Variants in POLN observed in about 807,000 individuals in gnomAD.
POLN encodes DNA polymerase nu.
POLN carries 108 observed loss-of-function variants against 113.5 expected under a neutral mutation model. That is an observed-to-expected ratio of 0.95 (90% CI 0.81 to 1.12). The LOEUF (loss-of-function observed/expected upper bound fraction) is 1.12, where lower values mean the gene tolerates loss of function less well. POLN is among the 50% of genes most tolerant of loss of function. The probability of loss-of-function intolerance (pLI) is 0.00; values close to 1 mark genes in which losing one functional copy is unlikely to be tolerated. For missense variants in POLN, 1,097 were observed against 1,077.1 expected (o/e 1.02, Z -0.26); for synonymous variants, 386 against 391.5 (o/e 0.99, Z 0.17).
At chr4:2,155,819 C>T (rs1189798562) in intron 16 of POLN, among the ~76,000 whole-genome samples, 2 of 151,682 alleles carry the variant, frequency 1.3e-5, no homozygotes, top group Non-Finnish European at 2.9e-5. Flanking sequence ...AATAGCATGG[C>T]TTTATTTTTG....
At chr4:2,191,277 G>A (rs1027827541) in intron 7 of POLN, among the ~76,000 whole-genome samples, 2 of 152,174 alleles carry the variant, frequency 1.3e-5, no homozygotes, top group East Asian at 1.9e-4. Context: ...TGTAGGAGCT[G>A]AGAAAGCAGA....
chr4:2,091,290 A>G (rs944634788), intron 20 of POLN, among the ~76,000 whole-genome samples: 1 of 152,070 alleles, frequency 6.6e-6, no homozygotes, highest in Non-Finnish European at 1.5e-5. Context: ...CCTTTCTTCT[A>G]TGGAGCTGTC....
At chr4:2,089,309 T>C (rs1025522647) in intron 20 of POLN, 26 of 1,389,174 alleles carry the variant, frequency 1.9e-5, no homozygotes, top group African/African-American at 1.7e-4. Flanking sequence ...AATGACAACA[T>C]AGATCCTGTT....
At chr4:2,215,955 C>G (rs552205762) in intron 3 of POLN, among the ~76,000 whole-genome samples, 11 of 152,320 alleles carry the variant, frequency 7.2e-5, no homozygotes, top group African/African-American at 2.6e-4. Context: ...TAACCCAAAC[C>G]CTCATCCCTG....
intron 13 of POLN, among the ~76,000 whole-genome samples, chr4:2,166,849 T>C (rs1462945781): frequency 6.6e-6 from 1 of 152,142 alleles, no homozygotes; most frequent in African/African-American, 2.4e-5. Flanking sequence ...TCCCTGGGTC[T>C]CCAGCTTGAA....
chr4:2,088,831 A>G, intron 20 of POLN: 1 of 1,463,458 alleles, frequency 6.8e-7, no homozygotes, highest in South Asian at 1.3e-5. Context: ...TTACATCTTG[A>G]ACTTGTCTAC....
At chr4:2,140,142 A>C (rs1019759426) in intron 16 of POLN, 4 of 152,174 alleles carry the variant, frequency 2.6e-5, no homozygotes, top group African/African-American at 7.2e-5. Context: ...GCAGTGGCAC[A>C]ATCTTGGCTC....
At chr4:2,173,547 T>C in intron 11 of POLN, among the ~76,000 whole-genome samples, 1 of 152,140 alleles carries the variant, frequency 6.6e-6, no homozygotes, top group East Asian at 1.9e-4. Flanking sequence ...TCTCTGTGTC[T>C]ATTTTCCCAC....
chr4:2,185,136 C>T (rs1259965821), intron 7 of POLN, among the ~76,000 whole-genome samples: 2 of 152,092 alleles, frequency 1.3e-5, no homozygotes, highest in Non-Finnish European at 2.9e-5. Flanking sequence ...CAATGACAAG[C>T]AGTAGCTTCT....
chr4:2,140,616 T>A (rs1731975634), intron 16 of POLN, among the ~76,000 whole-genome samples: 1 of 151,978 alleles, frequency 6.6e-6, no homozygotes, highest in African/African-American at 2.4e-5. Context: ...GTATGGTGGT[T>A]GTACATCTGT....
chr4:2,230,402 CAT>C (rs1734538423), intron 2 of POLN: 1 of 152,040 alleles, frequency 6.6e-6, no homozygotes, highest in African/African-American at 2.4e-5. Context: ...ATATTTTCCA[CAT>C]TTTTGGAGAA....
At chr4:2,188,655 C>CA (rs993006492) in intron 7 of POLN, among the ~76,000 whole-genome samples, 1 of 151,392 alleles carries the variant, frequency 6.6e-6, no homozygotes, top group African/African-American at 2.4e-5. Flanking sequence ...CACGAACATA[C>CA]AAAAAGAAAA....
At chr4:2,203,017 A>G (rs934296717) in intron 5 of POLN, among the ~76,000 whole-genome samples, 1 of 152,204 alleles carries the variant, frequency 6.6e-6, no homozygotes, top group Admixed American at 6.5e-5. Flanking sequence ...ATATTTACAG[A>G]GCATTCTACT....
At chr4:2,103,324 G>T (rs934166221) in intron 19 of POLN, among the ~76,000 whole-genome samples, 1 of 152,012 alleles carries the variant, frequency 6.6e-6, no homozygotes, top group African/African-American at 2.4e-5. Context: ...AGATACATTT[G>T]AAAGCTTCAA....
At chr4:2,164,711 G>T (rs1378692770) in intron 13 of POLN, among the ~76,000 whole-genome samples, 1 of 146,500 alleles carries the variant, frequency 6.8e-6, no homozygotes, top group Admixed American at 7.0e-5. Flanking sequence ...GCTGAGGCAG[G>T]AGAATTGCTT....
intron 19 of POLN, among the ~76,000 whole-genome samples, chr4:2,110,973 T>C (rs1220089128): frequency 3.3e-5 from 5 of 152,194 alleles, no homozygotes; most frequent in African/African-American, 9.7e-5. Context: ...TTGATGAACA[T>C]TGATGCAAAA....
At position 2,208,477 on chromosome 4, in the gene POLN, G is replaced by A; in HGVS notation, c.224C>T (p.Ser75Phe). 1 of 1,537,504 alleles carries A rather than the reference G, an allele frequency of 6.5e-7. No individual in the cohort carries two copies. The highest frequency in any genetic ancestry group is 1.7e-4 in the Middle Eastern group (1 of 5,754). The part of the protein sequence containing the change: ...TQSPEKKDLK[S>F]LRSQTSRGSA... ...ACCTCTTGATGTCTGACTTCTTAAA[G>A]ATTTAAGATCCTACAGAAAAATGGA... The change falls in exon 5 of 26, where the codon TCT (serine) becomes TTT (phenylalanine). Residue 75 changes from serine (S) to phenylalanine (F), a missense_variant. Transcript: ENST00000511885.
intron 14 of POLN, among the ~76,000 whole-genome samples, chr4:2,158,701 G>C (rs1329155075): frequency 6.6e-6 from 1 of 152,188 alleles, no homozygotes; most frequent in Non-Finnish European, 1.5e-5. Flanking sequence ...GCAGGTGTGT[G>C]AACAGAGAAA....
At chr4:2,132,718 C>T (rs1731755985) in intron 16 of POLN, among the ~76,000 whole-genome samples, 1 of 152,184 alleles carries the variant, frequency 6.6e-6, no homozygotes, top group African/African-American at 2.4e-5. Flanking sequence ...AAAGAACTGC[C>T]AGCTCAGAGC....
Sources: allele counts gnomAD v4.1 joint callset (sites outside exome capture counted in the v4.1 genomes callset), GRCh38; gene constraint gnomAD v4.1.1; transcripts MANE v1.5; gene names NCBI Gene and HGNC (gene_info 2026-07-23, HGNC 2026-07-21).